The following MAN1A2 variants were observed in gnomAD, a reference collection of about 807,000 sequenced individuals.
The protein encoded by MAN1A2 is mannosidase alpha class 1A member 2.
A neutral mutation model predicts 75.7 loss-of-function variants in MAN1A2; 26 were observed. The observed-to-expected ratio is 0.34, with a 90% confidence interval of 0.25 to 0.48. The LOEUF (loss-of-function observed/expected upper bound fraction) is 0.48. MAN1A2 is among the 20% of genes least tolerant of loss of function. MAN1A2 has a pLI of 0.99. For synonymous variants in MAN1A2, 247 were observed against 264.6 expected (o/e 0.93, Z 0.65); for missense variants, 562 against 775.5 (o/e 0.72, Z 3.27).
At chr1:117,521,228 C>T (rs1651862653) in intron 12 of MAN1A2, among the ~76,000 whole-genome samples, 1 of 151,978 alleles carries the variant, frequency 6.6e-6, no homozygotes, top group Non-Finnish European at 1.5e-5. Flanking sequence ...ATTGGAAAAA[C>T]CCTTCTAGAC....
chr1:117,395,984 G>C (rs1186837538), intron 1 of MAN1A2, among the ~76,000 whole-genome samples: 1 of 152,236 alleles, frequency 6.6e-6, no homozygotes, highest in Non-Finnish European at 1.5e-5. Flanking sequence ...TTTTCCCATG[G>C]AGTCAGGACA....
chr1:117,367,508 C>G lies in MAN1A2; in HGVS notation c.-676C>G, dbSNP rs1277147580. The G allele has an allele frequency of 6.5e-6, 1 of 153,334 alleles. No homozygotes were observed. Among genetic ancestry groups the G allele is most frequent in the Non-Finnish European group, 1.5e-5 (1 of 68,890 alleles). The allele number at this position is 153,334 out of a possible 1,614,324, so 9.5% of individuals were successfully genotyped here. The stretch of plus-strand genomic sequence containing the variant: ...GGCGGCTGGCCGGACTCAGGTGTTT[C>G]GGACGCTATTGCCCTTCGCGCCAGC... On this transcript the variant is annotated 5_prime_UTR_variant, in exon 1 of 13. Transcript: ENST00000356554.
At chr1:117,435,013 G>GTCTA (rs1426905018) in intron 5 of MAN1A2, among the ~76,000 whole-genome samples, 3 of 151,972 alleles carry the variant, frequency 2.0e-5, no homozygotes, top group African/African-American at 7.3e-5. Context: ...TGGTACGATA[G>GTCTA]TTATTAAATA....
chr1:117,376,720 A>T (rs927218722), intron 1 of MAN1A2, among the ~76,000 whole-genome samples: 22 of 152,246 alleles, frequency 1.4e-4, no homozygotes, highest in Non-Finnish European at 3.1e-4. Flanking sequence ...GGCCCTCTGT[A>T]TCCATAGGTT....
intron 6 of MAN1A2, among the ~76,000 whole-genome samples, chr1:117,444,768 C>T (rs1366331238): frequency 6.6e-6 from 1 of 151,972 alleles, no homozygotes; most frequent in Non-Finnish European, 1.5e-5. Flanking sequence ...TAATTCTCCT[C>T]TCTCTACTCT....
At chr1:117,407,531 C>A (rs1168184838) in intron 3 of MAN1A2, among the ~76,000 whole-genome samples, 1 of 152,000 alleles carries the variant, frequency 6.6e-6, no homozygotes, top group Non-Finnish European at 1.5e-5. Context: ...TTGCAATATT[C>A]TAGATTTTAG....
At chr1:117,383,353 G>A (rs1355166646) in intron 1 of MAN1A2, among the ~76,000 whole-genome samples, 1 of 152,122 alleles carries the variant, frequency 6.6e-6, no homozygotes, top group Non-Finnish European at 1.5e-5. Context: ...TATGCTGTTG[G>A]ATTCAGTTTG....
chr1:117,373,315 A>C (rs1359869354), intron 1 of MAN1A2, among the ~76,000 whole-genome samples: 4 of 151,708 alleles, frequency 2.6e-5, no homozygotes, highest in African/African-American at 9.7e-5. Context: ...GGGCGACGTC[A>C]CATTGTTTTA....
At chr1:117,479,313 G>C (rs1570777421) in intron 8 of MAN1A2, among the ~76,000 whole-genome samples, 1 of 151,812 alleles carries the variant, frequency 6.6e-6, no homozygotes, top group Admixed American at 6.6e-5. Context: ...TCCATGATGT[G>C]TATGTACCAC....
chr1:117,448,842 T>A (rs1044275862), intron 6 of MAN1A2, among the ~76,000 whole-genome samples: 3 of 152,220 alleles, frequency 2.0e-5, no homozygotes, highest in Non-Finnish European at 4.4e-5. Context: ...TTCACTTAAT[T>A]GTTCTTTGCA....
At chr1:117,407,767 C>T (rs1557937762) in intron 3 of MAN1A2, among the ~76,000 whole-genome samples, 2 of 152,032 alleles carry the variant, frequency 1.3e-5, no homozygotes, top group African/African-American at 4.8e-5. Flanking sequence ...TTTACCTGAG[C>T]TTTTTTACTT....
intron 5 of MAN1A2, among the ~76,000 whole-genome samples, chr1:117,426,431 TA>T (rs1413871640): frequency 2.6e-5 from 4 of 152,162 alleles, no homozygotes; most frequent in Non-Finnish European, 5.9e-5. Flanking sequence ...TTTTAAAATA[TA>T]GACATCCATC....
chr1:117,464,197 C>A (rs901287156), intron 7 of MAN1A2, among the ~76,000 whole-genome samples: 2 of 151,580 alleles, frequency 1.3e-5, no homozygotes, highest in Non-Finnish European at 2.9e-5. Context: ...GAAACCACTT[C>A]TCTACCAAAA....
At chr1:117,416,292 A>G (rs1238224321) in intron 4 of MAN1A2, among the ~76,000 whole-genome samples, 2 of 151,978 alleles carry the variant, frequency 1.3e-5, no homozygotes, top group Non-Finnish European at 2.9e-5. Flanking sequence ...TCTTAACTAC[A>G]ATTTTTTTTA....
chr1:117,512,891 T>C (rs1366019768), intron 12 of MAN1A2, among the ~76,000 whole-genome samples: 1 of 152,080 alleles, frequency 6.6e-6, no homozygotes, highest in Non-Finnish European at 1.5e-5. Context: ...TTTGCTACAG[T>C]AGAGGGAGCT....
rs948149491 is a variant in MAN1A2 at position 117,370,321 on chromosome 1, C to T, written c.302+1836C>T. Among the ~76,000 whole-genome samples, 7 of 152,138 alleles carry T rather than the reference C, an allele frequency of 4.6e-5. 1 individual carries two copies. Among genetic ancestry groups the T allele is most frequent in the Admixed American group, 1.3e-4 (2 of 15,270 alleles). ...GTAAGAGTCTGGATAGCAAGTGATA[C>T]ATGTGAGTCTGGATAGATTCCAATG... is the stretch of plus-strand genomic sequence containing the variant. On this transcript the variant is annotated intron_variant, in intron 1 of 12. Coordinates refer to ENST00000356554, the MANE Select transcript of MAN1A2 (RefSeq NM_006699.5).
At chr1:117,382,177 T>G (rs1181428200) in intron 1 of MAN1A2, among the ~76,000 whole-genome samples, 4 of 152,238 alleles carry the variant, frequency 2.6e-5, no homozygotes, top group Non-Finnish European at 4.4e-5. Context: ...GCAGAAGCTC[T>G]TTAGTTTAAT....
Position 117,460,470 on chromosome 1 carries a change from A to C in MAN1A2, c.951-19A>C, listed in dbSNP as rs1449191968. ...TTTTCCCAATCCTGTGTCTCCTTTT[A>C]CTTTTCCTTTTCATTCAGTGGAGTA... On this transcript the variant is annotated intron_variant, in intron 6 of 12. Coordinates refer to ENST00000356554, the MANE Select transcript of MAN1A2 (RefSeq NM_006699.5). The C allele has an allele frequency of 2.5e-5, 40 of 1,590,404 alleles. No homozygotes were observed. The East Asian group carries it at 3.1e-4, about 13-fold the overall frequency.
At chr1:117,413,028 T>C (rs1647873622) in intron 3 of MAN1A2, among the ~76,000 whole-genome samples, 1 of 151,918 alleles carries the variant, frequency 6.6e-6, no homozygotes, top group African/African-American at 2.4e-5. Context: ...TTGGTAAATG[T>C]TTTGGATGAA....
Sources: gnomAD v4.1 joint callset for allele counts (sites outside exome capture counted in the v4.1 genomes callset) on GRCh38, gnomAD v4.1.1 for gene constraint, MANE v1.5 for transcripts, NCBI Gene and HGNC (gene_info 2026-07-23, HGNC 2026-07-21) for gene names.